The following NT5C1B variants were observed in gnomAD, a reference collection of about 807,000 sequenced individuals.
NT5C1B encodes cytosolic 5'-nucleotidase 1B.
A neutral mutation model predicts 57.8 loss-of-function variants in NT5C1B; 44 were observed. That is an observed-to-expected ratio of 0.76 (90% CI 0.60 to 0.98). The LOEUF (loss-of-function observed/expected upper bound fraction) is 0.98. Among genes scored for constraint, NT5C1B ranks in the 50% least tolerant of loss-of-function variants. The pLI is 0.00. For missense variants in NT5C1B, 742 were observed against 719.5 expected (o/e 1.03, Z -0.36); for synonymous variants, 284 against 282.6 (o/e 1.00, Z -0.05).
Position 18,584,734 on chromosome 2 carries a change from CG to C in NT5C1B, c.502del (p.Arg168GlyfsTer59), listed in dbSNP as rs1223582737. On this transcript the variant is annotated frameshift_variant, in exon 4 of 9. Transcript: ENST00000304081. LOFTEE classifies it high-confidence loss of function. This position sits in a 1 kb window ranked among gnomAD's most constrained non-coding sequence, Gnocchi z 5.8. Reference sequence around the variant, plus strand: ...CGAATATTCCAGCGGCTGCGAGTCCCGGGTCTGGCGGATTTCCCGCACGATG... The same window carrying C: ...CGAATATTCCAGCGGCTGCGAGTCCCGGTCTGGCGGATTTCCCGCACGATG... 2.5e-6 allele frequency: 4 copies of C among 1,613,228 alleles called. No individual in the cohort carries two copies. The highest frequency in any genetic ancestry group is 3.4e-6 in the Non-Finnish European group (4 of 1,179,588).
rs185127728 is a variant in NT5C1B, at chr2:18,579,900, A to G, written c.1021+2968T>C. Among the ~76,000 whole-genome samples, 8 of 152,328 alleles carry G rather than the reference A, an allele frequency of 5.3e-5. 1 individual carries two copies. In the East Asian group the frequency reaches 1.5e-3, roughly 29 times the overall value. The stretch of plus-strand genomic sequence containing the variant: ...TCAAACTATGCATTTAACAAAGGTC[A>G]AAAATCCAGAATTTGTGAGGTATTT... On this transcript the variant is annotated intron_variant, in intron 6 of 8. Coordinates refer to ENST00000304081, the Ensembl canonical transcript of NT5C1B.
chr2:18,587,713 A>C, intron 1 of NT5C1B, 121 bp from the exon 2 acceptor site: 8 of 1,145,000 alleles, frequency 7.0e-6, no homozygotes, highest in Non-Finnish European at 9.7e-6. Context: ...ATAAAAAGGT[A>C]TAAACTCTAG....
intron 8 of NT5C1B, among the ~76,000 whole-genome samples, chr2:18,575,230 G>A (rs1019082061): frequency 6.6e-6 from 1 of 151,950 alleles, no homozygotes; most frequent in African/African-American, 2.4e-5. Flanking sequence ...TTTCTTAATA[G>A]TAAGCTTTGT....
chr2:18,576,345 C>G, exon 8 of NT5C1B: 2 of 1,613,132 alleles, frequency 1.2e-6, no homozygotes, highest in South Asian at 1.1e-5. Flanking sequence ...TTGGCTCCAT[C>G]AAACATTGTC....
At chr2:18,576,205 A>C in exon 8 of NT5C1B, 2 of 1,612,380 alleles carry the variant, frequency 1.2e-6, no homozygotes, top group Non-Finnish European at 1.7e-6. Flanking sequence ...GCTTACTTTC[A>C]CATAATGTAT....
chr2:18,569,178 G>A (rs1237428550), intron 8 of NT5C1B, among the ~76,000 whole-genome samples: 2 of 152,146 alleles, frequency 1.3e-5, no homozygotes, highest in African/African-American at 4.8e-5. Flanking sequence ...ATTGACAATA[G>A]ACTGTGATTA....
In NT5C1B at chr2:18,584,420, G is replaced by C; in HGVS notation, c.723+94C>G. On this transcript the variant is annotated intron_variant, in intron 4 of 8. Coordinates refer to ENST00000304081, the Ensembl canonical transcript of NT5C1B. This position sits in a 1 kb window ranked among gnomAD's most constrained non-coding sequence, Gnocchi z 5.8. The stretch of plus-strand genomic sequence containing the variant: ...ACTCCCCGAAGTTTGGGGAGGAGAA[G>C]CGGGAGGACCTCCCTGCGCAGTGGA... The C allele has an allele frequency of 6.6e-7, 1 of 1,525,680 alleles. No individual in the cohort carries two copies. Among genetic ancestry groups the C allele is most frequent in the South Asian group, 1.2e-5 (1 of 80,872 alleles). The allele number at this position is 1,525,680 out of a possible 1,614,324, so 94.5% of individuals were successfully genotyped here.
At chr2:18,585,979 G>A (rs975880513) in intron 3 of NT5C1B, among the ~76,000 whole-genome samples, 2 of 152,088 alleles carry the variant, frequency 1.3e-5, no homozygotes, top group African/African-American at 4.8e-5. Flanking sequence ...ATGAAGGAAG[G>A]AAGGAGGAAG....
At chr2:18,563,869 A>T in exon 9 of NT5C1B, 1 of 1,613,868 alleles carries the variant, frequency 6.2e-7, no homozygotes, top group Non-Finnish European at 8.5e-7. Flanking sequence ...AATGTGGAAC[A>T]TGTGGTCATC....
chr2:18,581,785 T>C (rs1366162177), intron 6 of NT5C1B, among the ~76,000 whole-genome samples: 1 of 152,180 alleles, frequency 6.6e-6, no homozygotes, highest in East Asian at 1.9e-4. Context: ...AAACATTTGT[T>C]ATAATAAAGA....
chr2:18,587,723 G>C (rs1666849497), intron 1 of NT5C1B, 131 bp from the exon 2 acceptor site: 1 of 965,000 alleles, frequency 1.0e-6, no homozygotes, highest in South Asian at 2.0e-5. Flanking sequence ...ATAAACTCTA[G>C]ACCTTAGTTT....
At position 18,586,870 on chromosome 2, in the gene NT5C1B, G is replaced by C. The variant is rs540795859; in HGVS notation, c.121-479C>G. 7.4e-6 allele frequency: 11 copies of C among 1,495,418 alleles called. No individual in the cohort carries two copies. The African/African-American group carries it at 1.4e-4, about 19-fold the overall frequency. 92.6% of individuals were successfully genotyped at this position (1,495,418 alleles called of 1,614,324 possible). A position where few individuals can be genotyped will look rare whatever the true frequency, so the allele number is the denominator to read the frequency against. ...TGGAGCCCTCAAGCTTTTCTTTTAG[G>C]AGAAACAAGAATGAAGGACCCCCCG... is the stretch of plus-strand genomic sequence containing the variant. On this transcript the variant is annotated intron_variant, in intron 2 of 8. Coordinates refer to ENST00000304081, the Ensembl canonical transcript of NT5C1B.
At chr2:18,568,087 G>GACACACACAC (rs3046807) in intron 8 of NT5C1B, among the ~76,000 whole-genome samples, 4,469 of 142,610 alleles carry the variant, frequency 0.031, 88 homozygotes, top group East Asian at 0.051. Flanking sequence ...AATGCTGTGG[G>GACACACACAC]ACACACACAC....
Position 18,584,033 on chromosome 2 carries a change from G to C in NT5C1B, c.891+55C>G. 1 of 1,614,002 alleles carries C rather than the reference G, an allele frequency of 6.2e-7. No individual in the cohort carries two copies. The highest frequency in any genetic ancestry group is 8.5e-7 in the Non-Finnish European group (1 of 1,179,948). ...GGATGCCCTCCCAAGGGTTGGCCTGGGTCCCTCCCTCGCCATCGAGTGTCC... is the reference window on the plus strand; with the variant it reads ...GGATGCCCTCCCAAGGGTTGGCCTGCGTCCCTCCCTCGCCATCGAGTGTCC... On this transcript the variant is annotated intron_variant, in intron 5 of 8. Transcript: ENST00000304081. The surrounding 1 kb of genome is among the most constrained non-coding windows in gnomAD (Gnocchi z 5.8).
chr2:18,563,921 TG>T lies in NT5C1B; in HGVS notation c.1527del (p.Ser511ValfsTer5). The T allele has an allele frequency of 6.2e-7, 1 of 1,614,150 alleles. No homozygotes were observed. The highest frequency in any genetic ancestry group is 8.5e-7 in the Non-Finnish European group (1 of 1,180,016). The stretch of plus-strand genomic sequence containing the variant: ...CGGATCTTCACCAAGATGGGACTTT[TG>T]GGGGCTCCAGCAAGGAAAAGAGCTT... On this transcript the variant is annotated frameshift_variant, in exon 9 of 9. Coordinates refer to ENST00000304081, the Ensembl canonical transcript of NT5C1B. LOFTEE classifies it high-confidence loss of function.
At chr2:18,563,074 T>C (rs2148064472) in exon 9 of NT5C1B, 1 of 151,710 alleles carries the variant, frequency 6.6e-6, no homozygotes, top group South Asian at 2.1e-4. Flanking sequence ...GTCTTTTTTT[T>C]TTTTTTCCAT....
intron 6 of NT5C1B, among the ~76,000 whole-genome samples, chr2:18,581,970 T>C (rs1666223936): frequency 6.6e-6 from 1 of 152,218 alleles, no homozygotes; most frequent in South Asian, 2.1e-4. Context: ...CCAGCCTTGA[T>C]AGGTCAGCGT....
At chr2:18,585,195 A>C in intron 3 of NT5C1B, 1 of 785,242 alleles carries the variant, frequency 1.3e-6, no homozygotes, top group South Asian at 1.3e-5. Context: ...ATTCTCCCCT[A>C]GCTTCCCCAT....
Position 18,584,997 on chromosome 2 carries a change from C to A in NT5C1B, c.259-19G>T, listed in dbSNP as rs1235628047. On this transcript the variant is annotated intron_variant, in intron 3 of 8. Transcript: ENST00000304081. The surrounding 1 kb of genome is among the most constrained non-coding windows in gnomAD (Gnocchi z 5.8). ...TGGGGAGCTGCAGCAAGACAATGGGCGTCTGAAGTCGAGGCCTGCCTGCCC... is the reference window on the plus strand; with the variant it reads ...TGGGGAGCTGCAGCAAGACAATGGGAGTCTGAAGTCGAGGCCTGCCTGCCC... 1.9e-6 allele frequency: 3 copies of A among 1,565,712 alleles called. No homozygotes were observed. The highest frequency in any genetic ancestry group is 2.6e-6 in the Non-Finnish European group (3 of 1,162,612).
Sources: gnomAD v4.1 joint callset for allele counts (sites outside exome capture counted in the v4.1 genomes callset) on GRCh38, gnomAD v4.1.1 for gene constraint, Gnocchi (gnomAD v3.1) non-coding constraint, MANE v1.5 for transcripts, NCBI Gene and HGNC (gene_info 2026-07-23, HGNC 2026-07-21) for gene names.